Variants in RAP1GDS1 observed in about 807,000 individuals in gnomAD.
The protein encoded by RAP1GDS1 is Rap1 GTPase-GDP dissociation stimulator 1, also known as RAP1, GTP-GDP dissociation stimulator 1.
In RAP1GDS1, 35 loss-of-function variants were observed where a neutral mutation model predicts 71.1. The observed-to-expected ratio is 0.49, with a 90% CI of 0.38 to 0.65. RAP1GDS1 has a LOEUF of 0.65. Ranked by LOEUF, RAP1GDS1 falls within the 30% of genes least tolerant of loss-of-function variation. RAP1GDS1 has a pLI of 0.00. For synonymous variants in RAP1GDS1, 229 were observed against 243.1 expected, an observed-to-expected ratio of 0.94 and a Z score of 0.54; for missense variants, 663 against 706.1, an observed-to-expected ratio of 0.94 and a Z score of 0.69.
At chr4:98,369,117 A>G (rs566857047) in intron 4 of RAP1GDS1, among the ~76,000 whole-genome samples, 5 of 152,234 alleles carry the variant, frequency 3.3e-5, no homozygotes, top group East Asian at 3.9e-4. Context: ...ATCTGATCTC[A>G]TGAGACTCAT....
At chr4:98,282,533 A>G (rs1373938131) in intron 1 of RAP1GDS1, among the ~76,000 whole-genome samples, 1 of 148,488 alleles carries the variant, frequency 6.7e-6, no homozygotes, top group Non-Finnish European at 1.5e-5. Flanking sequence ...GCGGTCTATC[A>G]ATTTTGTTGA....
At chr4:98,370,279 G>A in intron 4 of RAP1GDS1, among the ~76,000 whole-genome samples, 1 of 152,164 alleles carries the variant, frequency 6.6e-6, no homozygotes, top group South Asian at 2.1e-4. Flanking sequence ...TCATTAATCA[G>A]TATTTAAAAT....
At chr4:98,380,775 C>G in intron 5 of RAP1GDS1, among the ~76,000 whole-genome samples, 1 of 151,594 alleles carries the variant, frequency 6.6e-6, no homozygotes, top group Non-Finnish European at 1.5e-5. Flanking sequence ...AGGAAGAACA[C>G]TAAATGGGAA....
At chr4:98,419,682 C>A (rs1748528644) in intron 10 of RAP1GDS1, among the ~76,000 whole-genome samples, 2 of 152,192 alleles carry the variant, frequency 1.3e-5, no homozygotes, top group Non-Finnish European at 2.9e-5. Context: ...ACAGTTGGAT[C>A]AAAAACGGAA....
chr4:98,398,689 A>T (rs1390694111), intron 6 of RAP1GDS1, among the ~76,000 whole-genome samples: 1 of 152,058 alleles, frequency 6.6e-6, no homozygotes, highest in Non-Finnish European at 1.5e-5. Flanking sequence ...AAACCTACAG[A>T]CTCCACCAAA....
chr4:98,394,181 G>GGAGT (rs1186844255), intron 6 of RAP1GDS1, among the ~76,000 whole-genome samples: 1 of 152,116 alleles, frequency 6.6e-6, no homozygotes, highest in African/African-American at 2.4e-5. Context: ...TGTTTGCTGA[G>GGAGT]GAGTATTTCA....
chr4:98,301,746 T>G (rs1414388480), intron 2 of RAP1GDS1, among the ~76,000 whole-genome samples: 1 of 152,178 alleles, frequency 6.6e-6, no homozygotes, highest in Non-Finnish European at 1.5e-5. Flanking sequence ...GGTCTTAGAT[T>G]AGATTCTAAC....
At chr4:98,267,505 C>T (rs1722860830) in intron 1 of RAP1GDS1, among the ~76,000 whole-genome samples, 1 of 152,236 alleles carries the variant, frequency 6.6e-6, no homozygotes, top group East Asian at 1.9e-4. Flanking sequence ...ATTTGTCCCC[C>T]TCTAGTAGTC....
intron 2 of RAP1GDS1, among the ~76,000 whole-genome samples, chr4:98,311,834 T>TCA (rs1235284679): frequency 6.6e-6 from 1 of 152,218 alleles, no homozygotes; most frequent in Non-Finnish European, 1.5e-5. Context: ...ACATGGGGTC[T>TCA]CACTATGTTG....
rs567755153 is a variant in RAP1GDS1 at position 98,443,231 on chromosome 4, G to A, written c.*1114G>A. On this transcript the variant is annotated 3_prime_UTR_variant, in exon 15 of 15. Coordinates refer to ENST00000408927, the MANE Select transcript of RAP1GDS1 (RefSeq NM_001100427.2). Reference sequence around the variant, plus strand: ...TTCTGCAGATGGCCCCATACCAATCGCTGTTAGAGTTTGCCACCTCCACTT... The same window carrying A: ...TTCTGCAGATGGCCCCATACCAATCACTGTTAGAGTTTGCCACCTCCACTT... 7 of 232,306 alleles carry A rather than the reference G, an allele frequency of 3.0e-5. No individual in the cohort carries two copies. Among genetic ancestry groups the A allele is most frequent in the East Asian group, 2.4e-4 (4 of 16,484 alleles). The allele number at this position is 232,306 out of a possible 1,614,324, so 14.4% of individuals were successfully genotyped here.
chr4:98,372,819 G>A (rs557723602), intron 4 of RAP1GDS1, among the ~76,000 whole-genome samples: 25 of 152,114 alleles, frequency 1.6e-4, no homozygotes, highest in Non-Finnish European at 2.5e-4. Context: ...TGAGTAGCTA[G>A]GACTACAAGT....
chr4:98,334,401 T>A (rs1734413978), intron 2 of RAP1GDS1, among the ~76,000 whole-genome samples: 1 of 152,244 alleles, frequency 6.6e-6, no homozygotes, highest in Admixed American at 6.5e-5. Context: ...TAGCTAGGAC[T>A]GGCTGAATTG....
intron 2 of RAP1GDS1, among the ~76,000 whole-genome samples, chr4:98,309,701 A>G (rs1560811325): frequency 6.6e-6 from 1 of 152,026 alleles, no homozygotes; most frequent in African/African-American, 2.4e-5. Context: ...TTAATTGAAT[A>G]TAAAATACTA....
intron 2 of RAP1GDS1, among the ~76,000 whole-genome samples, chr4:98,298,756 G>A (rs1003450387): frequency 6.6e-6 from 1 of 152,052 alleles, no homozygotes; most frequent in African/African-American, 2.4e-5. Flanking sequence ...GAATAATTTC[G>A]AAGCCTTATT....
At chr4:98,400,779 C>G (rs1350165307) in intron 6 of RAP1GDS1, among the ~76,000 whole-genome samples, 1 of 152,118 alleles carries the variant, frequency 6.6e-6, no homozygotes, top group South Asian at 2.1e-4. Context: ...TTACCCTGAT[C>G]TGCTTACTAT....
chr4:98,285,286 T>C (rs1725805010), intron 1 of RAP1GDS1, among the ~76,000 whole-genome samples: 1 of 152,216 alleles, frequency 6.6e-6, no homozygotes, highest in Non-Finnish European at 1.5e-5. Context: ...ATTTGGTTTC[T>C]TTACTTGTTC....
intron 2 of RAP1GDS1, among the ~76,000 whole-genome samples, chr4:98,310,913 G>C (rs1730129138): frequency 6.6e-6 from 1 of 151,718 alleles, no homozygotes; most frequent in African/African-American, 2.4e-5. Flanking sequence ...TATATGTGTG[G>C]CTCACTTTAT....
intron 12 of RAP1GDS1, among the ~76,000 whole-genome samples, chr4:98,433,498 T>G (rs2110216438): frequency 6.6e-6 from 1 of 152,244 alleles, no homozygotes; most frequent in East Asian, 1.9e-4. Context: ...TCTCGCTATG[T>G]TGCCAGGCTG....
intron 11 of RAP1GDS1, among the ~76,000 whole-genome samples, chr4:98,420,871 T>C (rs1454420538): frequency 1.3e-5 from 2 of 152,240 alleles, no homozygotes; most frequent in Non-Finnish European, 2.9e-5. Flanking sequence ...AGAGCATTTT[T>C]CTGTTTGCAG....
Sources: allele counts gnomAD v4.1 joint callset (sites outside exome capture counted in the v4.1 genomes callset), GRCh38; gene constraint gnomAD v4.1.1; transcripts MANE v1.5; gene names NCBI Gene and HGNC (gene_info 2026-07-23, HGNC 2026-07-21).